CYRIA: variants seen among roughly 807,000 people sequenced by gnomAD.
CYRIA encodes the protein CYFIP-related Rac1 interactor A.
Under a neutral mutation model 43.9 loss-of-function variants are expected in CYRIA, and 15 were observed. That is an observed-to-expected ratio of 0.34 (90% CI 0.23 to 0.53). CYRIA has a LOEUF of 0.53. Among genes scored for constraint, CYRIA ranks in the 20% least tolerant of loss-of-function variants. CYRIA has a pLI of 0.94. For synonymous variants in CYRIA, 117 were observed against 136.0 expected, an observed-to-expected ratio of 0.86 and a Z score of 0.97; for missense variants, 236 against 394.2, an observed-to-expected ratio of 0.60 and a Z score of 3.40.
intron 1 of CYRIA, among the ~76,000 whole-genome samples, chr2:16,629,347 G>A (rs747986037): frequency 6.6e-6 from 1 of 152,140 alleles, no homozygotes; most frequent in Non-Finnish European, 1.5e-5. Flanking sequence ...GCTCGTTTTT[G>A]TTTTACTCTT....
chr2:16,553,124 C>A, intron 11 of CYRIA, 125 bp from the exon 12 acceptor site: 1 of 693,952 alleles, frequency 1.4e-6, no homozygotes. Flanking sequence ...ATCCACACTT[C>A]AATGCTCACA....
chr2:16,587,339 T>C (rs185419680), intron 3 of CYRIA, among the ~76,000 whole-genome samples: 3 of 152,276 alleles, frequency 2.0e-5, no homozygotes, highest in Admixed American at 6.5e-5. Context: ...AAATACATGA[T>C]GGTTTTCTTC....
intron 1 of CYRIA, among the ~76,000 whole-genome samples, chr2:16,642,967 A>G (rs957575097): frequency 6.6e-6 from 1 of 150,976 alleles, no homozygotes; most frequent in Non-Finnish European, 1.5e-5. Flanking sequence ...GGCAATAAAT[A>G]TTCCTTTATT....
At chr2:16,641,060 A>G (rs68013837) in intron 1 of CYRIA, among the ~76,000 whole-genome samples, 22,272 of 152,056 alleles carry the variant, frequency 0.15, 1,872 homozygotes, top group Middle Eastern at 0.26. Context: ...AGTGCCTCAC[A>G]TCCGCCCCCT....
rs144772862 is a variant in CYRIA at position 16,568,280 on chromosome 2, G to A, written c.71-2513C>T. Among the ~76,000 whole-genome samples, 296 of 148,904 alleles carry A rather than the reference G, an allele frequency of 2.0e-3. 2 individuals are homozygous for A. Among genetic ancestry groups the A allele is most frequent in the African/African-American group, 7.0e-3 (283 of 40,412 alleles). ...ATCTGAAACACTTCTGGTCCTAAGC[G>A]TTTTTGGATAAGGGGTATTCAACCT... On this transcript the variant is annotated intron_variant, in intron 3 of 11. Coordinates refer to ENST00000381323, the MANE Select transcript of CYRIA (RefSeq NM_030797.4).
chr2:16,574,698 G>A (rs1211877386), intron 3 of CYRIA, among the ~76,000 whole-genome samples: 1 of 152,208 alleles, frequency 6.6e-6, no homozygotes, highest in African/African-American at 2.4e-5. Context: ...TGGCTCACAT[G>A]TGGTGCTGAG....
chr2:16,632,217 C>A (rs556835977), intron 1 of CYRIA, among the ~76,000 whole-genome samples: 43 of 152,322 alleles, frequency 2.8e-4, no homozygotes, highest in African/African-American at 9.1e-4. Context: ...ACTCTCAATG[C>A]CTGGAAGTGC....
chr2:16,610,931 TA>T (rs1668575151), intron 2 of CYRIA, among the ~76,000 whole-genome samples: 3 of 139,050 alleles, frequency 2.2e-5, no homozygotes, highest in Admixed American at 7.1e-5. Flanking sequence ...TATATATATA[TA>T]TATATCCTGT....
chr2:16,632,818 T>G (rs553430289), intron 1 of CYRIA, among the ~76,000 whole-genome samples: 1 of 152,032 alleles, frequency 6.6e-6, no homozygotes, highest in Non-Finnish European at 1.5e-5. Context: ...CTCCAGACAA[T>G]AGCACAGCTG....
At chr2:16,585,316 A>T (rs1255643534) in intron 3 of CYRIA, among the ~76,000 whole-genome samples, 1 of 152,130 alleles carries the variant, frequency 6.6e-6, no homozygotes, top group Non-Finnish European at 1.5e-5. Flanking sequence ...TAGCTCTTCT[A>T]GGAAGCTACT....
chr2:16,648,980 C>G (rs962165476), intron 1 of CYRIA, among the ~76,000 whole-genome samples: 1 of 152,106 alleles, frequency 6.6e-6, no homozygotes, highest in African/African-American at 2.4e-5. Context: ...TGCATTATTT[C>G]CTCAATTGTA....
intron 1 of CYRIA, among the ~76,000 whole-genome samples, chr2:16,630,933 A>G (rs530693299): frequency 6.6e-6 from 1 of 152,318 alleles, no homozygotes; most frequent in African/African-American, 2.4e-5. Context: ...GAAGGCAGCA[A>G]TAAGACAAAA....
intron 2 of CYRIA, among the ~76,000 whole-genome samples, chr2:16,589,358 C>A (rs899456695): frequency 3.9e-5 from 6 of 152,122 alleles, no homozygotes; most frequent in African/African-American, 1.4e-4. Flanking sequence ...TGACTCTGCG[C>A]ATGAGAATAT....
At chr2:16,645,396 A>T (rs1409404666) in intron 1 of CYRIA, among the ~76,000 whole-genome samples, 1 of 152,214 alleles carries the variant, frequency 6.6e-6, no homozygotes, top group African/African-American at 2.4e-5. Context: ...TTATATAATA[A>T]AAACGAAGCG....
Position 16,656,667 on chromosome 2 carries a change from T to A in CYRIA, c.-167+9113A>T, listed in dbSNP as rs1670121921. On this transcript the variant is annotated intron_variant, in intron 1 of 11. Transcript: ENST00000381323. ...CATCAGATTCTGAAAGAAATGTTAA[T>A]CTTTTGATCTGGAAAATGTCAGAAT... 2.0e-5 allele frequency among the ~76,000 whole-genome samples: 3 copies of A among 152,364 alleles called. No homozygotes were observed. The South Asian group carries it at 6.2e-4, about 32-fold the overall frequency.
intron 1 of CYRIA, among the ~76,000 whole-genome samples, chr2:16,656,444 G>A (rs976569694): frequency 2.6e-5 from 4 of 152,122 alleles, no homozygotes; most frequent in South Asian, 2.1e-4. Context: ...CTCCATGTGC[G>A]CTGATGTGAA....
chr2:16,571,614 G>A (rs1667129259), intron 3 of CYRIA, among the ~76,000 whole-genome samples: 1 of 152,232 alleles, frequency 6.6e-6, no homozygotes, highest in South Asian at 2.1e-4. Context: ...GATAATGTGA[G>A]TAGAAAACAC....
At chr2:16,562,443 G>A (rs1572458060) in intron 5 of CYRIA, among the ~76,000 whole-genome samples, 2 of 152,252 alleles carry the variant, frequency 1.3e-5, no homozygotes, top group East Asian at 3.9e-4. Flanking sequence ...CCACAGATAT[G>A]TGTTTTTGGG....
intron 2 of CYRIA, among the ~76,000 whole-genome samples, chr2:16,612,885 T>G (rs1182764138): frequency 6.6e-6 from 1 of 152,190 alleles, no homozygotes; most frequent in African/African-American, 2.4e-5. Flanking sequence ...GGGAGGTAAT[T>G]GAATCATGGT....
Sources: gnomAD v4.1 joint callset for allele counts (sites outside exome capture counted in the v4.1 genomes callset) on GRCh38, gnomAD v4.1.1 for gene constraint, MANE v1.5 for transcripts, NCBI Gene and HGNC (gene_info 2026-07-23, HGNC 2026-07-21) for gene names.